Variants in GPC6 observed in about 807,000 individuals in gnomAD.
GPC6 encodes the protein glypican-6.
In GPC6, 14 loss-of-function variants were observed where a neutral mutation model predicts 55.2. The observed-to-expected ratio is 0.25, with a 90% CI of 0.17 to 0.40. GPC6 has a LOEUF of 0.40. GPC6 is among the 10% of genes least tolerant of loss of function. GPC6 has a pLI of 1.00. For synonymous variants in GPC6, 278 were observed against 259.6 expected (o/e 1.07, Z -0.68); for missense variants, 641 against 708.5 (o/e 0.90, Z 1.08).
At chr13:93,225,636 C>A (rs1439135806), upstream of GPC6, among the ~76,000 whole-genome samples, 3 of 151,880 alleles carry the variant, frequency 2.0e-5, no homozygotes, top group Non-Finnish European at 4.4e-5. Context: ...TCTTGAGAGT[C>A]TTTTTGGTGG....
At chr13:94,338,780 G>A (rs927705541) in intron 6 of GPC6, among the ~76,000 whole-genome samples, 4 of 152,120 alleles carry the variant, frequency 2.6e-5, no homozygotes, top group Admixed American at 6.5e-5. Context: ...AAAATGCCTC[G>A]AGGAGAGCCC....
intron 1 of GPC6, among the ~76,000 whole-genome samples, chr13:93,335,650 TTAGA>T (rs1280403865): frequency 1.3e-5 from 2 of 152,198 alleles, no homozygotes; most frequent in Non-Finnish European, 2.9e-5. Flanking sequence ...CGTGAATGAC[TTAGA>T]TAGGCCTTGC....
At chr13:93,547,301 G>A (rs139601645) in intron 2 of GPC6, among the ~76,000 whole-genome samples, 2,289 of 152,178 alleles carry the variant, frequency 0.015, 50 homozygotes, top group African/African-American at 0.051. Flanking sequence ...AGCCGAGATC[G>A]TGCCAGTACA....
intron 3 of GPC6, among the ~76,000 whole-genome samples, chr13:93,981,704 A>G (rs1880810089): frequency 6.6e-6 from 1 of 152,160 alleles, no homozygotes; most frequent in African/African-American, 2.4e-5. Context: ...TAAAATATGC[A>G]CTTAAGCTAA....
At chr13:93,746,379 G>A (rs1884401200) in intron 2 of GPC6, among the ~76,000 whole-genome samples, 1 of 152,138 alleles carries the variant, frequency 6.6e-6, no homozygotes, top group Admixed American at 6.5e-5. Flanking sequence ...CATTCATGAA[G>A]AGTCCAAGAC....
At chr13:94,156,202 AC>A (rs1323130533) in intron 4 of GPC6, among the ~76,000 whole-genome samples, 2 of 152,164 alleles carry the variant, frequency 1.3e-5, no homozygotes, top group African/African-American at 2.4e-5. Context: ...ATAAGGAGAA[AC>A]CTGGCAAGTC....
chr13:94,007,013 T>C (rs1205614528), intron 3 of GPC6, among the ~76,000 whole-genome samples: 1 of 152,198 alleles, frequency 6.6e-6, no homozygotes, highest in Non-Finnish European at 1.5e-5. Context: ...CCCTCCTTAG[T>C]CACTATGCTG....
chr13:93,444,196 T>TTC lies in GPC6; in HGVS notation c.161-101066_161-101065insCT, dbSNP rs1555300845. On this transcript the variant is annotated intron_variant, in intron 1 of 8. Transcript: ENST00000377047. ...GTAAAAAGTCAAAATGCAATTCTTC[T>TTC]TTTTTTTTTTTTTTTTTTGGTAAAT... 4.8e-4 allele frequency among the ~76,000 whole-genome samples: 6 copies of TTC among 12,594 alleles called. No individual in the cohort carries two copies. The East Asian group carries it at 5.9e-3, about 12-fold the overall frequency. The allele number at this position is 12,594 out of a possible 152,430, so 8.3% of individuals were successfully genotyped here.
chr13:93,239,735 G>A (rs1252939200), intron 1 of GPC6, among the ~76,000 whole-genome samples: 1 of 151,552 alleles, frequency 6.6e-6, no homozygotes, highest in Non-Finnish European at 1.5e-5. Context: ...GTCAATTTGT[G>A]ATCTTTTTGT....
intron 4 of GPC6, among the ~76,000 whole-genome samples, chr13:94,131,855 A>T (rs901638971): frequency 6.6e-6 from 1 of 152,202 alleles, no homozygotes; most frequent in Admixed American, 6.5e-5. Flanking sequence ...AAAGGGTTTT[A>T]AAAATAATTT....
At chr13:94,285,475 A>G (rs896999740) in intron 4 of GPC6, among the ~76,000 whole-genome samples, 1 of 152,194 alleles carries the variant, frequency 6.6e-6, no homozygotes. Context: ...CACCTTACCT[A>G]TAGAAGATAA....
At chr13:93,821,915 T>C (rs1473134109) in intron 2 of GPC6, among the ~76,000 whole-genome samples, 1 of 152,146 alleles carries the variant, frequency 6.6e-6, no homozygotes, top group African/African-American at 2.4e-5. Context: ...AACTGAATTA[T>C]ATATTTAAGC....
chr13:93,856,159 G>T lies in GPC6; in HGVS notation c.711+25614G>T, dbSNP rs74829427. Among the ~76,000 whole-genome samples, 703 of 151,454 alleles carry T rather than the reference G, an allele frequency of 4.6e-3. 7 individuals carry two copies. Among genetic ancestry groups the T allele is most frequent in the African/African-American group, 0.016 (674 of 41,386 alleles). On this transcript the variant is annotated intron_variant, in intron 3 of 8. Coordinates refer to ENST00000377047, the MANE Select transcript of GPC6 (RefSeq NM_005708.5). ...CTGCCATCTCAGTTCTCTCCTTCAG[G>T]CTCAAGAGGCTACAACACAGCCTCC...
At chr13:94,076,760 T>A (rs1884928109) in intron 4 of GPC6, among the ~76,000 whole-genome samples, 1 of 151,928 alleles carries the variant, frequency 6.6e-6, no homozygotes, top group African/African-American at 2.4e-5. Context: ...GTATTTTTGG[T>A]ACCTTTTTTT....
intron 3 of GPC6, among the ~76,000 whole-genome samples, chr13:93,975,493 C>G (rs1177929852): frequency 1.3e-5 from 2 of 152,068 alleles, no homozygotes; most frequent in Non-Finnish European, 2.9e-5. Context: ...AAAACAGATG[C>G]TGTTATGCAA....
chr13:93,271,308 T>C (rs1388132745), intron 1 of GPC6, among the ~76,000 whole-genome samples: 3 of 152,222 alleles, frequency 2.0e-5, no homozygotes, highest in African/African-American at 7.2e-5. Context: ...ATTGGTTTAA[T>C]GATCAAATCT....
chr13:94,053,210 G>C (rs886629278), intron 4 of GPC6, among the ~76,000 whole-genome samples: 5 of 152,054 alleles, frequency 3.3e-5, no homozygotes, highest in African/African-American at 1.2e-4. Context: ...ATGACTTTCG[G>C]GGGATACGTG....
At chr13:93,422,607 A>G (rs558551961) in intron 1 of GPC6, among the ~76,000 whole-genome samples, 39 of 152,192 alleles carry the variant, frequency 2.6e-4, no homozygotes, top group African/African-American at 5.3e-4. Context: ...TGAACTTAAT[A>G]TAAGAAGTTT....
intron 4 of GPC6, among the ~76,000 whole-genome samples, chr13:94,265,848 T>C (rs1891785770): frequency 6.6e-6 from 1 of 152,214 alleles, no homozygotes; most frequent in Non-Finnish European, 1.5e-5. Context: ...GCCATCCACA[T>C]ACATGATTTA....
Sources: gnomAD v4.1 joint callset for allele counts (sites outside exome capture counted in the v4.1 genomes callset) on GRCh38, gnomAD v4.1.1 for gene constraint, MANE v1.5 for transcripts, NCBI Gene and HGNC (gene_info 2026-07-23, HGNC 2026-07-21) for gene names.